Variants in GLB1 observed in about 807,000 individuals in gnomAD.
GLB1 encodes galactosidase beta 1.
A neutral mutation model predicts 74.0 loss-of-function variants in GLB1; 56 were observed. The ratio of observed to expected loss-of-function variants is 0.76; its 90% CI spans 0.61 to 0.94. The LOEUF is 0.94. Among genes scored for constraint, GLB1 ranks in the 40% least tolerant of loss-of-function variants. GLB1 has a pLI of 0.00. For missense variants in GLB1, 787 were observed against 845.5 expected (o/e 0.93, Z 0.86); for synonymous variants, 323 against 323.6 (o/e 1.00, Z 0.02).
chr3:32,966,985 G>C, the GLB1 span, among the ~76,000 whole-genome samples: 16 of 152,234 alleles, frequency 1.1e-4, 1 homozygote, highest in South Asian at 3.3e-3. Context: ...CCGGTCTCTG[G>C]TATGTCCTTA....
chr3:33,097,051 A>AGC lies in GLB1; in HGVS notation c.34_35insGC (p.Leu12CysfsTer60). On this transcript the variant is annotated frameshift_variant, in exon 1 of 16. Coordinates refer to ENST00000307363, the MANE Select transcript of GLB1 (RefSeq NM_000404.4). LOFTEE classifies it high-confidence loss of function. ...AGGGCCCAGAAGCAGCAGAACCAGC[A>AGC]ACAGAGGGAGGATGCGAACCAGGAA... The AGC allele has an allele frequency of 3.7e-6, 6 of 1,612,088 alleles. No individual in the cohort carries two copies. The highest frequency in any genetic ancestry group is 3.4e-6 in the Non-Finnish European group (4 of 1,178,644).
intron 1 of GLB1, chr3:33,090,298 G>T: frequency 1.5e-6 from 1 of 669,660 alleles, no homozygotes; most frequent in Non-Finnish European, 1.8e-6. Context: ...GTGGGGCAGG[G>T]GTAGCTGAGA....
intron 10 of GLB1, among the ~76,000 whole-genome samples, chr3:33,036,020 GAGA>G (rs1698261972): frequency 6.6e-6 from 1 of 152,186 alleles, no homozygotes; most frequent in Non-Finnish European, 1.5e-5. Flanking sequence ...ACCATACAGT[GAGA>G]AGAAGGAATG....
At chr3:32,970,947 T>G in the GLB1 span, among the ~76,000 whole-genome samples, 3 of 152,306 alleles carry the variant, frequency 2.0e-5, no homozygotes, top group African/African-American at 7.2e-5. Flanking sequence ...AAGGGCCTAT[T>G]TCCTTGTACT....
intron 10 of GLB1, among the ~76,000 whole-genome samples, chr3:33,044,608 C>A (rs1219013296): frequency 6.6e-6 from 1 of 151,788 alleles, no homozygotes; most frequent in East Asian, 1.9e-4. Flanking sequence ...ATAACATAAG[C>A]AACATTTTAA....
chr3:32,978,499 G>T, the GLB1 span, among the ~76,000 whole-genome samples: 17 of 152,170 alleles, frequency 1.1e-4, no homozygotes, highest in African/African-American at 3.9e-4. Context: ...TAGGAGTTTT[G>T]TAACAGACGG....
chr3:32,978,963 ATTTC>A, the GLB1 span, among the ~76,000 whole-genome samples: 934 of 117,140 alleles, frequency 8.0e-3, 6 homozygotes, highest in African/African-American at 0.029. Context: ...TAGAGACAAT[ATTTC>A]TTTCTTTCTT....
At position 33,072,722 on chromosome 3, in the gene GLB1, C is replaced by A. The variant is rs1340962080; in HGVS notation, c.76-9G>T. On this transcript the variant is annotated splice_polypyrimidine_tract_variant and intron_variant, in intron 1 of 15. Coordinates refer to ENST00000307363, the MANE Select transcript of GLB1 (RefSeq NM_000404.4). Reference sequence around the variant, plus strand: ...ATCCTCTGGGTGGCATTCTACAGAGCAAGGATGGGGTCACATGAGAACTTC... The same window carrying A: ...ATCCTCTGGGTGGCATTCTACAGAGAAAGGATGGGGTCACATGAGAACTTC... 1.2e-6 allele frequency: 2 copies of A among 1,613,970 alleles called. No homozygotes were observed. Among genetic ancestry groups the A allele is most frequent in the African/African-American group, 2.7e-5 (2 of 74,934 alleles).
chr3:33,065,846 A>G (rs1010536444), intron 4 of GLB1, among the ~76,000 whole-genome samples: 3 of 152,060 alleles, frequency 2.0e-5, no homozygotes, highest in Non-Finnish European at 4.4e-5. Flanking sequence ...GCATGCCTGT[A>G]ATCCCAGCTA....
intron 1 of GLB1, among the ~76,000 whole-genome samples, chr3:33,094,695 C>A (rs1407116449): frequency 6.6e-6 from 1 of 151,802 alleles, no homozygotes; most frequent in Non-Finnish European, 1.5e-5. Flanking sequence ...GGGGTGGAGT[C>A]TTCCAGAGGC....
intron 10 of GLB1, among the ~76,000 whole-genome samples, chr3:33,028,540 T>C (rs1332528578): frequency 6.6e-6 from 1 of 152,176 alleles, no homozygotes; most frequent in East Asian, 1.9e-4. Flanking sequence ...TAAATTTTTA[T>C]TTTTTAAAAG....
intron 1 of GLB1, among the ~76,000 whole-genome samples, chr3:33,073,829 C>A (rs746881576): frequency 6.6e-6 from 1 of 151,824 alleles, no homozygotes; most frequent in Non-Finnish European, 1.5e-5. Context: ...GGCAATTCAG[C>A]GAGGCCTCGT....
intron 10 of GLB1, among the ~76,000 whole-genome samples, chr3:33,039,656 T>C (rs1393805070): frequency 1.3e-5 from 2 of 152,150 alleles, no homozygotes; most frequent in African/African-American, 4.8e-5. Context: ...AACACACATA[T>C]CACTGGTGTT....
intron 1 of GLB1, chr3:33,091,226 T>C: frequency 2.0e-6 from 2 of 985,390 alleles, no homozygotes; most frequent in Non-Finnish European, 2.4e-6. Context: ...AACTCAAAGA[T>C]ACATTTTAAA....
Position 33,024,266 on chromosome 3 carries a change from C to T in GLB1, c.1128G>A (p.Lys376=). The T allele has an allele frequency of 6.2e-7, 1 of 1,612,934 alleles. No homozygotes were observed. Among genetic ancestry groups the T allele is most frequent in the Non-Finnish European group, 8.5e-7 (1 of 1,179,886 alleles). Residue 376 remains lysine, a synonymous_variant, in exon 11 of 16, where the codon AAG becomes AAA. Transcript: ENST00000307363. ...PPSTPKFAYG[K]VTLEKLKTVG... is the part of the protein sequence containing the mutation. ...TTTTTCTTACCTTTTCCAAAGTGAC[C>T]TTTCCATATGCAAACTTTGGTGTAG...
At chr3:32,987,092 T>C in the GLB1 span, among the ~76,000 whole-genome samples, 46 of 152,294 alleles carry the variant, frequency 3.0e-4, no homozygotes, top group African/African-American at 1.1e-3. Flanking sequence ...TCTTTTTTTA[T>C]GGCCAATTCC....
At position 33,014,304 on chromosome 3, in the gene GLB1, C is replaced by G; in HGVS notation, c.1486G>C (p.Val496Leu). Residue 496 changes from valine to leucine, a missense_variant, in exon 15 of 16, where the codon GTT becomes CTT. Physicochemically the swap from Val to Leu is conservative, Grantham distance 32. Transcript: ENST00000307363. Reference protein sequence around the residue: ...GAYINDFKGLVSNLTLSSNIL... With the variant: ...GAYINDFKGLLSNLTLSSNIL... ...TTGGAACTGAGAGTCAGGTTAGAAA[C>G]CAAACCCTGCAAAGCAGAAACAGAG... 1 of 1,613,840 alleles carries G rather than the reference C, an allele frequency of 6.2e-7. No homozygotes were observed. The highest frequency in any genetic ancestry group is 8.5e-7 in the Non-Finnish European group (1 of 1,179,878).
In GLB1 at chr3:33,051,913, T is replaced by A; in HGVS notation, c.884A>T (p.Asp295Val). Residue 295 changes from aspartate to valine, a missense_variant, in exon 8 of 16, where the codon GAT becomes GTT. Physicochemically the swap from Asp to Val is radical, Grantham distance 152. Transcript: ENST00000307363. ...KTEAVASSLY[D>V]ILARGASVNL... ...CACACTCGCCCCACGGGCAAGTATA[T>A]CATAGAGGGAGGAAGCCACTGCTTC... The A allele has an allele frequency of 6.2e-7, 1 of 1,614,218 alleles. No homozygotes were observed.
chr3:32,977,924 C>T, the GLB1 span, among the ~76,000 whole-genome samples: 114,987 of 152,138 alleles, frequency 0.76, 45,832 homozygotes, highest in East Asian at 1. Context: ...CTAATCCTTA[C>T]GTCTGAATTT....
Sources: gnomAD v4.1 joint callset for allele counts (sites outside exome capture counted in the v4.1 genomes callset) on GRCh38, gnomAD v4.1.1 for gene constraint, MANE v1.5 for transcripts, NCBI Gene and HGNC (gene_info 2026-07-23, HGNC 2026-07-21) for gene names.